Variants in ARHGAP8 observed in about 807,000 individuals in gnomAD.
ARHGAP8 encodes rho GTPase-activating protein 8.
Under a neutral mutation model 46.1 loss-of-function variants are expected in ARHGAP8, and 62 were observed. The observed-to-expected ratio is 1.34, with a 90% CI of 1.10 to 1.66. The LOEUF (loss-of-function observed/expected upper bound fraction) is 1.66. Among genes scored for constraint, ARHGAP8 ranks in the 40% most tolerant of loss-of-function variants. ARHGAP8 has a pLI of 0.00. For synonymous variants in ARHGAP8, 375 were observed against 243.1 expected (o/e 1.54, Z -5.05); for missense variants, 923 against 568.4 (o/e 1.62, Z -6.34).
intron 11 of ARHGAP8, among the ~76,000 whole-genome samples, chr22:44,861,680 A>G (rs1177671110): frequency 6.6e-6 from 1 of 152,122 alleles, no homozygotes; most frequent in African/African-American, 2.4e-5. Context: ...GTTGGTCCAC[A>G]TGGCCCCCTG....
rs1490965414 is a variant in ARHGAP8 at position 44,824,441 on chromosome 22, A to G, written c.486-1042A>G. On this transcript the variant is annotated intron_variant, in intron 6 of 11. Coordinates refer to ENST00000356099, the MANE Select transcript of ARHGAP8 (RefSeq NM_181335.3). The stretch of plus-strand genomic sequence containing the variant: ...TGCATTGTCGGGTGCCTAACCCTGC[A>G]CCATCTTGTGTCACTGACTGCCTCA... Among the ~76,000 whole-genome samples the G allele has an allele frequency of 2.0e-5, 3 of 152,046 alleles. No homozygotes were observed. In the East Asian group the frequency reaches 5.8e-4, roughly 29 times the overall value.
At chr22:44,802,020 C>T (rs1602197230) in intron 2 of ARHGAP8, 57 bp from the exon 3 acceptor site, 2 of 1,603,692 alleles carry the variant, frequency 1.2e-6, no homozygotes, top group East Asian at 4.5e-5. Flanking sequence ...TTGCTAAGTG[C>T]CTGAGGATTT....
intron 1 of ARHGAP8, among the ~76,000 whole-genome samples, chr22:44,769,925 G>A (rs1314380145): frequency 6.6e-6 from 1 of 152,168 alleles, no homozygotes; most frequent in Non-Finnish European, 1.5e-5. Flanking sequence ...AATGGGTGCT[G>A]TTGATTGGTT....
intron 4 of ARHGAP8, among the ~76,000 whole-genome samples, chr22:44,813,879 C>A (rs1929547375): frequency 6.6e-6 from 1 of 152,188 alleles, no homozygotes; most frequent in South Asian, 2.1e-4. Context: ...ACACAATTGG[C>A]TTCCAAAAAT....
At chr22:44,821,051 C>T (rs1190835626) in intron 5 of ARHGAP8, among the ~76,000 whole-genome samples, 1 of 152,200 alleles carries the variant, frequency 6.6e-6, no homozygotes, top group East Asian at 1.9e-4. Flanking sequence ...TTCAAATTGT[C>T]ATAAAATAAC....
At chr22:44,811,334 G>A (rs1428840144) in intron 4 of ARHGAP8, among the ~76,000 whole-genome samples, 1 of 152,256 alleles carries the variant, frequency 6.6e-6, no homozygotes, top group Admixed American at 6.5e-5. Context: ...GAAGGAGGCC[G>A]GCCTCGTGGC....
At chr22:44,859,060 C>G (rs6006894) in intron 10 of ARHGAP8, among the ~76,000 whole-genome samples, 12 of 151,058 alleles carry the variant, frequency 7.9e-5, no homozygotes, top group Non-Finnish European at 1.5e-5. Flanking sequence ...AGCCATGGGC[C>G]GTAGTTTGCC....
intron 4 of ARHGAP8, among the ~76,000 whole-genome samples, chr22:44,814,231 G>A (rs1477533917): frequency 1.3e-5 from 2 of 152,224 alleles, no homozygotes; most frequent in African/African-American, 4.8e-5. Flanking sequence ...GCCGGCTGAT[G>A]TTTAGGTTAT....
chr22:44,825,403 G>T (rs1029048490), intron 6 of ARHGAP8, 80 bp from the exon 7 acceptor site: 7 of 1,488,666 alleles, frequency 4.7e-6, no homozygotes, highest in East Asian at 2.3e-5. Context: ...CTGCAGGTGG[G>T]GCATCCAGCC....
intron 3 of ARHGAP8, 90 bp from the exon 4 acceptor site, chr22:44,808,217 G>A (rs1929068561): frequency 1.9e-6 from 3 of 1,540,416 alleles, no homozygotes; most frequent in Non-Finnish European, 2.6e-6. Flanking sequence ...CACCTACTGG[G>A]TGACCATAGC....
At chr22:44,801,555 G>A (rs1928552631) in intron 2 of ARHGAP8, among the ~76,000 whole-genome samples, 1 of 152,182 alleles carries the variant, frequency 6.6e-6, no homozygotes, top group South Asian at 2.1e-4. Flanking sequence ...TCAAGAGACT[G>A]TTGTAGCACA....
intron 1 of ARHGAP8, among the ~76,000 whole-genome samples, chr22:44,768,918 C>T (rs947065577): frequency 1.1e-4 from 16 of 151,330 alleles, no homozygotes; most frequent in Non-Finnish European, 1.6e-4. Flanking sequence ...CACCGCAACC[C>T]GCTTCTCCTG....
chr22:44,773,285 T>G (rs1356428294), intron 1 of ARHGAP8, among the ~76,000 whole-genome samples: 1 of 152,232 alleles, frequency 6.6e-6, no homozygotes, highest in East Asian at 1.9e-4. Flanking sequence ...TCTCTCATTA[T>G]CCTTTTAATG....
Position 44,848,040 on chromosome 22 carries a change from C to A in ARHGAP8, c.738C>A (p.Leu246=), listed in dbSNP as rs139004299. ...AGACCGTCCGCGAGATCCAGAGGCT[C>A]TACAACCAAGGTGAGGGTGTCCCGC... ...SVQTVREIQR[L]YNQGKPVNFD... is the part of the protein sequence containing the mutation. The change falls in exon 9 of 12, where the codon CTC becomes CTA. Residue 246 remains leucine (L), a synonymous_variant. Coordinates refer to ENST00000356099, the MANE Select transcript of ARHGAP8 (RefSeq NM_181335.3). The A allele has an allele frequency of 1.4e-5, 22 of 1,606,970 alleles. No homozygotes were observed. In the African/African-American group the frequency reaches 2.5e-4, roughly 18 times the overall value.
At chr22:44,860,091 G>A (rs879698773) in intron 11 of ARHGAP8, among the ~76,000 whole-genome samples, 1 of 152,110 alleles carries the variant, frequency 6.6e-6, no homozygotes, top group African/African-American at 2.4e-5. Flanking sequence ...GCCATTGCCA[G>A]TGACTTTTGT....
rs76238408 is a variant in ARHGAP8, at chr22:44,805,726, G to A, written c.168-2581G>A. On this transcript the variant is annotated intron_variant, in intron 3 of 11. Coordinates refer to ENST00000356099, the MANE Select transcript of ARHGAP8 (RefSeq NM_181335.3). ...TGCAAAGGTGCTCTGTGGGCTTCTC[G>A]GCCTTGATAAGAAGAGCCATCAGGC... Among the ~76,000 whole-genome samples the A allele has an allele frequency of 8.1e-3, 1,228 of 152,226 alleles. 21 individuals carry two copies. The highest frequency in any genetic ancestry group is 0.026 in the African/African-American group (1,098 of 41,532).
At chr22:44,833,943 AT>A (rs1931123197) in intron 7 of ARHGAP8, among the ~76,000 whole-genome samples, 1 of 152,124 alleles carries the variant, frequency 6.6e-6, no homozygotes, top group African/African-American at 2.4e-5. Context: ...TTGGCATGTA[AT>A]TGTTCATAGT....
intron 2 of ARHGAP8, among the ~76,000 whole-genome samples, chr22:44,791,070 T>G (rs1927646196): frequency 6.6e-6 from 1 of 151,964 alleles, no homozygotes; most frequent in South Asian, 2.1e-4. Context: ...CTCCACTTGC[T>G]CTCCCGGTGG....
At chr22:44,857,585 A>G (rs934081330) in intron 10 of ARHGAP8, among the ~76,000 whole-genome samples, 2 of 152,148 alleles carry the variant, frequency 1.3e-5, no homozygotes, top group Admixed American at 6.5e-5. Context: ...GGGAAGTGCG[A>G]CGGACAGGGG....
Sources: allele counts gnomAD v4.1 joint callset (sites outside exome capture counted in the v4.1 genomes callset), GRCh38; gene constraint gnomAD v4.1.1; transcripts MANE v1.5; gene names NCBI Gene and HGNC (gene_info 2026-07-23, HGNC 2026-07-21).